LGALS3BP: variants seen among roughly 807,000 people sequenced by gnomAD.
LGALS3BP encodes galectin 3 binding protein.
In LGALS3BP, 25 loss-of-function variants were observed where a neutral mutation model predicts 22.9. The observed-to-expected ratio is 1.09, with a 90% CI of 0.80 to 1.53. The LOEUF (loss-of-function observed/expected upper bound fraction) is 1.53, where lower values mean the gene tolerates loss of function less well. Among genes scored for constraint, LGALS3BP ranks in the 40% most tolerant of loss-of-function variants. The probability of loss-of-function intolerance (pLI) is 0.00; values close to 1 mark genes in which losing one functional copy is unlikely to be tolerated. For synonymous variants in LGALS3BP, 335 were observed against 331.1 expected (o/e 1.01, Z -0.13); for missense variants, 718 against 752.0 (o/e 0.95, Z 0.53).
intron 1 of LGALS3BP, among the ~76,000 whole-genome samples, chr17:78,977,906 A>G (rs2070734543): frequency 2.0e-5 from 3 of 152,314 alleles, no homozygotes; most frequent in South Asian, 4.1e-4. Flanking sequence ...AAGTATCCCC[A>G]AGACACTGAC....
intron 1 of LGALS3BP, among the ~76,000 whole-genome samples, chr17:78,977,699 C>T (rs758239779): frequency 2.0e-5 from 3 of 152,116 alleles, no homozygotes; most frequent in Non-Finnish European, 4.4e-5. Context: ...CAGGCAGAGA[C>T]GAGGCTGCAG....
chr17:78,974,503 G>A, intron 4 of LGALS3BP, 185 bp downstream of exon 4: 1 of 627,876 alleles, frequency 1.6e-6, no homozygotes, highest in Admixed American at 3.0e-5. Context: ...AGGAGTCTGG[G>A]ACTGTGGGAC....
rs1404887965 is a variant in LGALS3BP, at chr17:78,972,963, G to A, written c.629+7C>T. ...CGGCCCCAGAGCCTGAGGACGAGAC[G>A]GCTCACCTGAGAAGGTCCCTGACCA... is the stretch of plus-strand genomic sequence containing the variant. On this transcript the variant is annotated splice_region_variant and intron_variant, in intron 5 of 5. Coordinates refer to ENST00000262776, the MANE Select transcript of LGALS3BP (RefSeq NM_005567.4). This position sits in a 1 kb window ranked among gnomAD's most constrained non-coding sequence, Gnocchi z 5.1. The A allele has an allele frequency of 5.0e-6, 8 of 1,597,158 alleles. No homozygotes were observed. Among genetic ancestry groups the A allele is most frequent in the East Asian group, 2.3e-5 (1 of 44,438 alleles).
At position 78,973,234 on chromosome 17, in the gene LGALS3BP, C is replaced by G; in HGVS notation, c.377-12G>C. 6.6e-7 allele frequency: 1 copy of G among 1,509,568 alleles called. No individual in the cohort carries two copies. Among genetic ancestry groups the G allele is most frequent in the Non-Finnish European group, 8.9e-7 (1 of 1,126,794 alleles). The allele number at this position is 1,509,568 out of a possible 1,614,324, so 93.5% of individuals were successfully genotyped here. A position where few individuals can be genotyped will look rare whatever the true frequency, so the allele number is the denominator to read the frequency against. ...GGTGCTCCTGGTTTCTAAGAAGGGG[C>G]GGGAGGGAAGTGGGCTGCGTTAGGA... On this transcript the variant is annotated splice_polypyrimidine_tract_variant and intron_variant, in intron 4 of 5. Transcript: ENST00000262776. This position sits in a 1 kb window ranked among gnomAD's most constrained non-coding sequence, Gnocchi z 5.8.
Position 78,973,033 on chromosome 17 carries a change from G to T in LGALS3BP, c.566C>A (p.Pro189Gln), listed in dbSNP as rs558412406. 1.9e-6 allele frequency: 3 copies of T among 1,613,890 alleles called. No individual in the cohort carries two copies. The highest frequency in any genetic ancestry group is 2.5e-6 in the Non-Finnish European group (3 of 1,179,978). ...CACACTCATGGTGACATTGCTGCCC[G>T]GCTCCTTCCACAGGGCCTGGGCCTC... is the stretch of plus-strand genomic sequence containing the variant. ...NLEAQALWKE[P>Q]GSNVTMSVDA... The change falls in exon 5 of 6, where the codon CCG (proline) becomes CAG (glutamine). Residue 189 changes from proline to glutamine, a missense_variant. Physicochemically the swap from Pro to Gln is moderately conservative, Grantham distance 76 (BLOSUM62 -1). Coordinates refer to ENST00000262776, the MANE Select transcript of LGALS3BP (RefSeq NM_005567.4). The surrounding 1 kb of genome is among the most constrained non-coding windows in gnomAD (Gnocchi z 5.8).
At chr17:78,979,148 C>T (rs1029788728) in intron 1 of LGALS3BP, among the ~76,000 whole-genome samples, 1 of 151,998 alleles carries the variant, frequency 6.6e-6, no homozygotes, top group African/African-American at 2.4e-5. Flanking sequence ...TTGCCTGATT[C>T]CTTCATACAG....
chr17:78,978,536 C>T (rs2070739208), intron 1 of LGALS3BP, among the ~76,000 whole-genome samples: 1 of 152,232 alleles, frequency 6.6e-6, no homozygotes, highest in South Asian at 2.1e-4. Flanking sequence ...GCCCACCTCT[C>T]CTCCCTGTGT....
rs146026601 is a variant in LGALS3BP at position 78,974,794 on chromosome 17, C to T, written c.270G>A (p.Glu90=). 11 of 1,613,714 alleles carry T rather than the reference C, an allele frequency of 6.8e-6. No individual in the cohort carries two copies. Among genetic ancestry groups the T allele is most frequent in the African/African-American group, 1.3e-5 (1 of 74,928 alleles). Residue 90 remains glutamate, a synonymous_variant, in exon 4 of 6, where the codon GAG becomes GAA. Coordinates refer to ENST00000262776, the MANE Select transcript of LGALS3BP (RefSeq NM_005567.4). The stretch of plus-strand genomic sequence containing the variant: ...AGGCCTCGGTTCCCGTGCACTGGAC[C>T]TCATCCAGCATGATGGGGCCTGATC... ...GQGSGPIMLD[E]VQCTGTEASL...
chr17:78,978,453 C>T (rs1166004649), intron 1 of LGALS3BP, among the ~76,000 whole-genome samples: 1 of 152,242 alleles, frequency 6.6e-6, no homozygotes, highest in Non-Finnish European at 1.5e-5. Context: ...AGTGAATGAG[C>T]TGACACCCAG....
chr17:78,972,028 G>T lies in LGALS3BP; in HGVS notation c.1306C>A (p.Arg436=), dbSNP rs755186415. ...GAAGAATATTTGACCAAAGGCCCCCGTCTGGACTGATAGACCAGTTGTGAC... is the reference window on the plus strand; with the variant it reads ...GAAGAATATTTGACCAAAGGCCCCCTTCTGGACTGATAGACCAGTTGTGAC... The part of the protein sequence containing the change: ...RKSQLVYQSR[R]GPLVKYSSDY... The change falls in exon 6 of 6, where the codon CGG becomes AGG. Residue 436 remains arginine, a synonymous_variant. Coordinates refer to ENST00000262776, the MANE Select transcript of LGALS3BP (RefSeq NM_005567.4). The surrounding 1 kb of genome is among the most constrained non-coding windows in gnomAD (Gnocchi z 5.1). The T allele has an allele frequency of 6.2e-7, 1 of 1,614,080 alleles. No individual in the cohort carries two copies. Among genetic ancestry groups the T allele is most frequent in the South Asian group, 1.1e-5 (1 of 91,088 alleles).
rs554868563 is a variant in LGALS3BP, at chr17:78,974,705, C to G, written c.359G>C (p.Gly120Ala). 2 of 1,613,614 alleles carry G rather than the reference C, an allele frequency of 1.2e-6. No homozygotes were observed. Among genetic ancestry groups the G allele is most frequent in the Non-Finnish European group, 8.5e-7 (1 of 1,179,972 alleles). Residue 120 changes from glycine (G) to alanine (A), a missense_variant, in exon 4 of 6, where the codon GGT (glycine) becomes GCT (alanine). Coordinates refer to ENST00000262776, the MANE Select transcript of LGALS3BP (RefSeq NM_005567.4). ...KSNCRHERDAGVVCTNETRST... is the reference protein window; with the variant it reads ...KSNCRHERDAAVVCTNETRST... ...CCGCTCACCATTGGTGCAGACCACACCAGCGTCTCTCTCGTGCCTGCAGTT... is the reference window on the plus strand; with the variant it reads ...CCGCTCACCATTGGTGCAGACCACAGCAGCGTCTCTCTCGTGCCTGCAGTT...
rs191215073 is a variant in LGALS3BP, at chr17:78,972,972, G to A, written c.627C>T (p.Leu209=). ...AECVPMVRDL[L]RYFYSRRIDI... ...AGCCTGAGGACGAGACGGCTCACCTGAGAAGGTCCCTGACCATGGGCACAC... is the reference window on the plus strand; with the variant it reads ...AGCCTGAGGACGAGACGGCTCACCTAAGAAGGTCCCTGACCATGGGCACAC... Residue 209 remains leucine (L), a splice_region_variant and synonymous_variant, in exon 5 of 6, where the codon CTC becomes CTT. Coordinates refer to ENST00000262776, the MANE Select transcript of LGALS3BP (RefSeq NM_005567.4). The surrounding 1 kb of genome is among the most constrained non-coding windows in gnomAD (Gnocchi z 5.1). 16 of 1,602,014 alleles carry A rather than the reference G, an allele frequency of 1.0e-5. No individual in the cohort carries two copies. The highest frequency in any genetic ancestry group is 1.4e-5 in the Non-Finnish European group (16 of 1,170,842).
rs758170684 is a variant in LGALS3BP at position 78,977,056 on chromosome 17, T to C, written c.52+84A>G. The stretch of plus-strand genomic sequence containing the variant: ...GCTGGGCCCCGGGCCCCAGGCAGAA[T>C]ATCTCCTTGAAGCTCTGAGCAGCCC... On this transcript the variant is annotated intron_variant, in intron 2 of 5. Coordinates refer to ENST00000262776, the MANE Select transcript of LGALS3BP (RefSeq NM_005567.4). 4.1e-6 allele frequency: 6 copies of C among 1,450,260 alleles called. No individual in the cohort carries two copies. The African/African-American group carries it at 8.4e-5, about 20-fold the overall frequency. The allele number at this position is 1,450,260 out of a possible 1,614,324, so 89.8% of individuals were successfully genotyped here.
At chr17:78,974,843 G>A in intron 3 of LGALS3BP, 24 bp from the exon 4 acceptor site, 2 of 1,609,426 alleles carry the variant, frequency 1.2e-6, no homozygotes, top group South Asian at 1.1e-5. Context: ...AGATGGCAGG[G>A]CTGGGGGCGT....
rs1490502604 is a variant in LGALS3BP at position 78,972,287 on chromosome 17, G to A, written c.1047C>T (p.Pro349=). 6 of 1,613,346 alleles carry A rather than the reference G, an allele frequency of 3.7e-6. No individual in the cohort carries two copies. Among genetic ancestry groups the A allele is most frequent in the Non-Finnish European group, 4.2e-6 (5 of 1,179,820 alleles). Residue 349 remains proline (P), a synonymous_variant, in exon 6 of 6, where the codon CCC becomes CCT. Coordinates refer to ENST00000262776, the MANE Select transcript of LGALS3BP (RefSeq NM_005567.4). This position sits in a 1 kb window ranked among gnomAD's most constrained non-coding sequence, Gnocchi z 5.1. Reference sequence around the variant, plus strand: ...CAAAGAGCTCCTCAGGGAGCATCATGGGGAAGCGGATCTTCTCCACCAAGC... The same window carrying A: ...CAAAGAGCTCCTCAGGGAGCATCATAGGGAAGCGGATCTTCTCCACCAAGC... ...VEGLVEKIRF[P]MMLPEELFEL... is the part of the protein sequence containing the mutation.
rs2070668331 is a variant in LGALS3BP, at chr17:78,971,391, A to C, written c.*185T>G. The C allele has an allele frequency of 1.7e-6, 1 of 604,922 alleles. No individual in the cohort carries two copies. The highest frequency in any genetic ancestry group is 2.9e-6 in the Non-Finnish European group (1 of 347,208). 37.5% of individuals were successfully genotyped at this position (604,922 alleles called of 1,614,324 possible). A position where few individuals can be genotyped will look rare whatever the true frequency, so the allele number is the denominator to read the frequency against. ...TGGAAACTGGTGAGGTGGTGGGAGA[A>C]CTCCTGGTGGACCCTAGTGGAAGCC... On this transcript the variant is annotated 3_prime_UTR_variant, in exon 6 of 6. Coordinates refer to ENST00000262776, the MANE Select transcript of LGALS3BP (RefSeq NM_005567.4). The surrounding 1 kb of genome is among the most constrained non-coding windows in gnomAD (Gnocchi z 5.6).
chr17:78,976,023 G>A lies in LGALS3BP; in HGVS notation c.186C>T (p.Cys62=). The stretch of plus-strand genomic sequence containing the variant: ...TGGCGTTCTCGAAGCCCAGGGCCCG[G>A]CAGACGACGCTGGCATCAGTCAGGT... The part of the protein sequence containing the change: ...LWDLTDASVV[C]RALGFENATQ... The change falls in exon 3 of 6, where the codon TGC becomes TGT. Residue 62 remains cysteine (C), a synonymous_variant. Coordinates refer to ENST00000262776, the MANE Select transcript of LGALS3BP (RefSeq NM_005567.4). This position sits in a 1 kb window ranked among gnomAD's most constrained non-coding sequence, Gnocchi z 4.6. 1 of 1,612,692 alleles carries A rather than the reference G, an allele frequency of 6.2e-7. No homozygotes were observed. Among genetic ancestry groups the A allele is most frequent in the Non-Finnish European group, 8.5e-7 (1 of 1,179,844 alleles).
At chr17:78,978,109 G>C (rs1004763440) in intron 1 of LGALS3BP, among the ~76,000 whole-genome samples, 5 of 152,324 alleles carry the variant, frequency 3.3e-5, no homozygotes, top group Admixed American at 1.3e-4. Flanking sequence ...CAGCAAGCCT[G>C]GGGCAGGCCT....
intron 3 of LGALS3BP, 141 bp from the exon 4 acceptor site, chr17:78,974,960 T>C (rs1036771615): frequency 6.0e-5 from 64 of 1,060,190 alleles, no homozygotes; most frequent in Non-Finnish European, 8.4e-5. Context: ...CCACGGAGGA[T>C]ATTCCAGCAT....
Sources: gnomAD v4.1 joint callset for allele counts (sites outside exome capture counted in the v4.1 genomes callset) on GRCh38, gnomAD v4.1.1 for gene constraint, Gnocchi (gnomAD v3.1) non-coding constraint, MANE v1.5 for transcripts, NCBI Gene and HGNC (gene_info 2026-07-23, HGNC 2026-07-21) for gene names.